Variants in WDFY1 observed in about 807,000 individuals in gnomAD.
WDFY1 encodes the protein WD repeat and FYVE domain containing 1, also known as WD repeat and FYVE domain-containing protein 1.
Under a neutral mutation model 56.4 loss-of-function variants are expected in WDFY1, and 32 were observed. That is an observed-to-expected ratio of 0.57 (90% CI 0.43 to 0.76). The LOEUF (loss-of-function observed/expected upper bound fraction) is 0.76, where lower values mean the gene tolerates loss of function less well. WDFY1 is among the 30% of genes least tolerant of loss of function. WDFY1 has a pLI of 0.00. For synonymous variants in WDFY1, 192 were observed against 197.3 expected (o/e 0.97, Z 0.23); for missense variants, 480 against 545.7 (o/e 0.88, Z 1.20).
At chr2:223,933,266 C>G (rs1199793960) in intron 1 of WDFY1, among the ~76,000 whole-genome samples, 1 of 151,888 alleles carries the variant, frequency 6.6e-6, no homozygotes, top group East Asian at 1.9e-4. Flanking sequence ...AGGGAAGAAG[C>G]CACTGGGTGG....
chr2:223,884,772 C>A, intron 8 of WDFY1, 23 bp from the exon 9 acceptor site: 20 of 1,604,728 alleles, frequency 1.2e-5, no homozygotes, highest in Non-Finnish European at 1.7e-5. Flanking sequence ...AAAGTCAAAG[C>A]CACCATCAGT....
intron 4 of WDFY1, among the ~76,000 whole-genome samples, chr2:223,902,091 G>A (rs936045638): frequency 2.0e-5 from 3 of 152,160 alleles, no homozygotes; most frequent in South Asian, 2.1e-4. Context: ...GAAGTCAAAG[G>A]CCTGACAGAG....
intron 1 of WDFY1, among the ~76,000 whole-genome samples, chr2:223,935,073 C>G (rs1343384431): frequency 6.6e-6 from 1 of 152,130 alleles, no homozygotes; most frequent in Non-Finnish European, 1.5e-5. Flanking sequence ...CTATGGGACA[C>G]TGCAGGTATC....
chr2:223,898,308 T>C (rs977223568), intron 6 of WDFY1, among the ~76,000 whole-genome samples: 9 of 152,186 alleles, frequency 5.9e-5, no homozygotes, highest in African/African-American at 9.7e-5. Context: ...AACTGACAAA[T>C]TTTTTTAAAG....
intron 1 of WDFY1, among the ~76,000 whole-genome samples, chr2:223,933,149 T>A (rs1694108405): frequency 6.6e-6 from 1 of 151,352 alleles, no homozygotes; most frequent in African/African-American, 2.4e-5. Context: ...AGAGGAGAAT[T>A]AGATTGGCTG....
intron 8 of WDFY1, among the ~76,000 whole-genome samples, chr2:223,886,001 C>T (rs1382809757): frequency 6.6e-6 from 1 of 152,156 alleles, no homozygotes; most frequent in Non-Finnish European, 1.5e-5. Context: ...GTTTTTAATG[C>T]ATTTTTGTTG....
At chr2:223,879,153 C>A (rs1018072937) in intron 11 of WDFY1, among the ~76,000 whole-genome samples, 4 of 152,226 alleles carry the variant, frequency 2.6e-5, no homozygotes, top group Non-Finnish European at 2.9e-5. Flanking sequence ...CACCACTACA[C>A]TACAGTCTGG....
intron 1 of WDFY1, among the ~76,000 whole-genome samples, chr2:223,922,827 T>C (rs534052819): frequency 6.6e-6 from 1 of 152,302 alleles, no homozygotes; most frequent in South Asian, 2.1e-4. Flanking sequence ...CTAATGTTAA[T>C]TTCATACAGC....
At chr2:223,881,406 G>A (rs1187933508) in intron 10 of WDFY1, among the ~76,000 whole-genome samples, 8 of 152,216 alleles carry the variant, frequency 5.3e-5, no homozygotes, top group Non-Finnish European at 7.3e-5. Flanking sequence ...TCCTCACTGT[G>A]TTCAGGAGAA....
In WDFY1 at chr2:223,894,227, C is replaced by G; in HGVS notation, c.831+7G>C. ...CCGATCAGCCTGGACTTGCCCTTGT[C>G]TCTTACCTCTTCTCTGCTAACATCC... is the stretch of plus-strand genomic sequence containing the variant. On this transcript the variant is annotated splice_region_variant and intron_variant, in intron 8 of 11. Coordinates refer to ENST00000233055, the MANE Select transcript of WDFY1 (RefSeq NM_020830.5). The G allele has an allele frequency of 6.2e-7, 1 of 1,614,102 alleles. No homozygotes were observed. The highest frequency in any genetic ancestry group is 1.6e-4 in the Middle Eastern group (1 of 6,062).
chr2:223,930,651 C>A (rs541961806), intron 1 of WDFY1, among the ~76,000 whole-genome samples: 1 of 152,172 alleles, frequency 6.6e-6, no homozygotes, highest in East Asian at 1.9e-4. Context: ...TGGCTAGTGA[C>A]GCTATGTTTA....
At chr2:223,924,045 T>C (rs1203829653) in intron 1 of WDFY1, among the ~76,000 whole-genome samples, 5 of 152,248 alleles carry the variant, frequency 3.3e-5, no homozygotes, top group Admixed American at 2.0e-4. Context: ...AAATCTTTCC[T>C]TAAAACCACA....
chr2:223,902,233 G>T (rs564904939), intron 4 of WDFY1, among the ~76,000 whole-genome samples: 1 of 152,304 alleles, frequency 6.6e-6, no homozygotes, highest in South Asian at 2.1e-4. Flanking sequence ...ACTCATGAAG[G>T]ATTCTGAAAC....
At chr2:223,888,886 C>A (rs1693219516) in intron 8 of WDFY1, among the ~76,000 whole-genome samples, 1 of 143,096 alleles carries the variant, frequency 7.0e-6, no homozygotes, top group Non-Finnish European at 1.5e-5. Flanking sequence ...CCGTGCCTGG[C>A]CTAAATTCTC....
intron 10 of WDFY1, 21 bp downstream of exon 10, chr2:223,881,921 C>T (rs772868056): frequency 6.2e-7 from 1 of 1,611,978 alleles, no homozygotes; most frequent in Non-Finnish European, 8.5e-7. Context: ...GGCAATGAGA[C>T]AAAAATATGC....
rs775524178 is a variant in WDFY1, at chr2:223,901,377, C to T, written c.335-44G>A. On this transcript the variant is annotated intron_variant, in intron 4 of 11. Transcript: ENST00000233055. ...GAACAGATGTCATCTCCAGAAACAG[C>T]ACTCTATGGGGAAGAACTGAGGCTC... 9 of 1,608,590 alleles carry T rather than the reference C, an allele frequency of 5.6e-6. No individual in the cohort carries two copies. The African/African-American group carries it at 1.1e-4, about 19-fold the overall frequency.
chr2:223,899,138 G>A, intron 5 of WDFY1, 68 bp from the exon 6 acceptor site: 1 of 1,282,712 alleles, frequency 7.8e-7, no homozygotes, highest in South Asian at 1.2e-5. Flanking sequence ...AGAGATACCA[G>A]CATTAGTCAA....
intron 1 of WDFY1, among the ~76,000 whole-genome samples, chr2:223,936,148 G>A (rs536462641): frequency 8.5e-4 from 121 of 142,772 alleles, no homozygotes; most frequent in African/African-American, 3.0e-3. Context: ...TGCAACCTAT[G>A]CCCCTTGGGT....
At chr2:223,933,781 A>AC (rs373807476) in intron 1 of WDFY1, among the ~76,000 whole-genome samples, 6,347 of 128,674 alleles carry the variant, frequency 0.049, 416 homozygotes, top group African/African-American at 0.16. Flanking sequence ...ACATAGTGAG[A>AC]CCCCCCCCCA....
Sources: allele counts gnomAD v4.1 joint callset (sites outside exome capture counted in the v4.1 genomes callset), GRCh38; gene constraint gnomAD v4.1.1; transcripts MANE v1.5; gene names NCBI Gene and HGNC (gene_info 2026-07-23, HGNC 2026-07-21).